Variants in LRRC37A observed in about 807,000 individuals in gnomAD.
LRRC37A encodes the protein leucine rich repeat containing 37A, also known as leucine-rich repeat-containing protein 37A.
A neutral mutation model predicts 35.4 loss-of-function variants in LRRC37A; 3 were observed. The observed-to-expected ratio is 0.08, with a 90% CI of 0.04 to 0.22. The LOEUF (loss-of-function observed/expected upper bound fraction) is 0.22. LRRC37A is among the 10% of genes least tolerant of loss of function. The probability of loss-of-function intolerance (pLI) is 1.00; values close to 1 mark genes in which losing one functional copy is unlikely to be tolerated. For missense variants in LRRC37A, 67 were observed against 565.3 expected, an observed-to-expected ratio of 0.12 and a Z score of 8.94; for synonymous variants, 23 against 215.0, an observed-to-expected ratio of 0.11 and a Z score of 7.81.
At chr17:46,264,502 CA>C in the LRRC37A span, among the ~76,000 whole-genome samples, 19,439 of 152,028 alleles carry the variant, frequency 0.13, no homozygotes, top group Middle Eastern at 0.2. Context: ...TATTACCAAG[CA>C]ACCTGATGAT....
the LRRC37A span, among the ~76,000 whole-genome samples, chr17:46,263,608 A>G: frequency 6.7e-6 from 1 of 149,396 alleles, no homozygotes; most frequent in Admixed American, 6.7e-5. Flanking sequence ...TAATCCCAGC[A>G]CTTTGAGAGG....
At chr17:46,248,083 A>G in the LRRC37A span, among the ~76,000 whole-genome samples, 1 of 151,914 alleles carries the variant, frequency 6.6e-6, no homozygotes, top group African/African-American at 2.4e-5. Context: ...TTTCTTCTTC[A>G]GAGACGTGGG....
At chr17:46,259,446 C>G in the LRRC37A span, 4 of 1,187,952 alleles carry the variant, frequency 3.4e-6, no homozygotes, top group Non-Finnish European at 4.8e-6. Flanking sequence ...CATGCCCCTC[C>G]CCACCTTTGG....
intron 5 of LRRC37A, among the ~76,000 whole-genome samples, chr17:46,317,160 G>A (rs1266509775): frequency 1.1e-5 from 1 of 90,306 alleles, no homozygotes; most frequent in African/African-American, 3.0e-5. Flanking sequence ...GCCGGGCAGA[G>A]GCGCTCCTCA....
At chr17:46,250,320 C>T in the LRRC37A span, among the ~76,000 whole-genome samples, 1 of 152,254 alleles carries the variant, frequency 6.6e-6, no homozygotes. Context: ...TTTGGCCAGG[C>T]TCAGTGTGAT....
the LRRC37A span, among the ~76,000 whole-genome samples, chr17:46,276,926 C>G: frequency 1.3e-5 from 2 of 152,024 alleles, no homozygotes; most frequent in Admixed American, 1.3e-4. Flanking sequence ...ACCTCAGCCT[C>G]CTGGGTAGCT....
At chr17:46,262,673 C>T in the LRRC37A span, among the ~76,000 whole-genome samples, 1 of 151,936 alleles carries the variant, frequency 6.6e-6, no homozygotes, top group South Asian at 2.1e-4. Flanking sequence ...GTAATCCCAG[C>T]TACTTGGGAG....
At chr17:46,268,806 A>T in the LRRC37A span, 44 of 766,270 alleles carry the variant, frequency 5.7e-5, no homozygotes, top group Non-Finnish European at 7.5e-5. Flanking sequence ...CTACTCTATG[A>T]ATGACCTGCA....
the LRRC37A span, among the ~76,000 whole-genome samples, chr17:46,272,007 G>A: frequency 6.6e-5 from 10 of 152,336 alleles, no homozygotes; most frequent in African/African-American, 1.9e-4. Context: ...TGATCTGCCC[G>A]CTTCAGCCTC....
At chr17:46,261,240 G>A in the LRRC37A span, among the ~76,000 whole-genome samples, 6 of 152,184 alleles carry the variant, frequency 3.9e-5, no homozygotes, top group Middle Eastern at 3.4e-3. Context: ...AAAAGAGTTC[G>A]GTCTTTCTGT....
intron 7 of LRRC37A, among the ~76,000 whole-genome samples, chr17:46,325,993 G>T (rs1157665357): frequency 3.1e-5 from 2 of 63,986 alleles, no homozygotes; most frequent in African/African-American, 6.7e-5. Context: ...AAAAATTTTG[G>T]GCTCATGCCT....
chr17:46,277,764 A>G, the LRRC37A span, among the ~76,000 whole-genome samples: 17,914 of 148,326 alleles, frequency 0.12, 2 homozygotes, highest in Middle Eastern at 0.18. Flanking sequence ...TTCCTGCCTC[A>G]GCCTCCCGAG....
chr17:46,282,872 A>G, the LRRC37A span, among the ~76,000 whole-genome samples: 17,807 of 150,970 alleles, frequency 0.12, no homozygotes, highest in Non-Finnish European at 0.18. Flanking sequence ...TTATCCCAGC[A>G]TTTTGGGAGG....
chr17:46,289,700 C>T (rs1246863847), upstream of LRRC37A, among the ~76,000 whole-genome samples: 2 of 152,166 alleles, frequency 1.3e-5, no homozygotes, highest in Non-Finnish European at 2.9e-5. Context: ...ATTCCCAAAA[C>T]GTTTCATCAT....
chr17:46,291,287 T>C (rs562094225), upstream of LRRC37A, among the ~76,000 whole-genome samples: 1 of 151,852 alleles, frequency 6.6e-6, no homozygotes, highest in African/African-American at 2.4e-5. Flanking sequence ...CAAGTGAGAG[T>C]AAAATATAAA....
chr17:46,309,035 A>G (rs1190794439), intron 5 of LRRC37A, among the ~76,000 whole-genome samples: 1 of 77,702 alleles, frequency 1.3e-5, no homozygotes, highest in Admixed American at 1.3e-4. Flanking sequence ...CCTCTATGTT[A>G]TTGACAAATA....
At chr17:46,265,267 CTT>C in the LRRC37A span, among the ~76,000 whole-genome samples, 12 of 45,034 alleles carry the variant, frequency 2.7e-4, no homozygotes, top group East Asian at 5.9e-4. Flanking sequence ...TCTTCTTCTT[CTT>C]CTTCTTCTTC....
At chr17:46,267,060 C>T in the LRRC37A span, 2 of 280,844 alleles carry the variant, frequency 7.1e-6, no homozygotes, top group Non-Finnish European at 1.3e-5. Flanking sequence ...CTCAGTCAGC[C>T]GCGCAGGGAC....
the LRRC37A span, chr17:46,259,921 C>T: frequency 1.3e-6 from 2 of 1,573,842 alleles, no homozygotes; most frequent in Non-Finnish European, 1.7e-6. Flanking sequence ...CAAGGAGGGA[C>T]CCACAAGCTG....
Sources: allele counts gnomAD v4.1 joint callset (sites outside exome capture counted in the v4.1 genomes callset), GRCh38; gene constraint gnomAD v4.1.1; transcripts MANE v1.5; gene names NCBI Gene and HGNC (gene_info 2026-07-23, HGNC 2026-07-21).